The following TMEM178B variants were observed in gnomAD, a reference collection of about 807,000 sequenced individuals.
The protein encoded by TMEM178B is transmembrane protein 178B.
TMEM178B carries 5 observed loss-of-function variants against 31.0 expected under a neutral mutation model. That is an observed-to-expected ratio of 0.16 (90% CI 0.08 to 0.34). The LOEUF (loss-of-function observed/expected upper bound fraction) is 0.34, where lower values mean the gene tolerates loss of function less well. TMEM178B is among the 10% of genes least tolerant of loss of function. The pLI is 1.00. For missense variants in TMEM178B, 275 were observed against 400.3 expected, an observed-to-expected ratio of 0.69 and a Z score of 2.67; for synonymous variants, 164 against 164.0, an observed-to-expected ratio of 1.00 and a Z score of 0.00.
At chr7:141,356,173 T>C (rs1486415229) in intron 2 of TMEM178B, among the ~76,000 whole-genome samples, 7 of 152,180 alleles carry the variant, frequency 4.6e-5, no homozygotes, top group African/African-American at 1.4e-4. Flanking sequence ...AGTGCTGTGA[T>C]GAACATACAA....
chr7:141,285,227 T>C (rs1194016832), intron 2 of TMEM178B, among the ~76,000 whole-genome samples: 1 of 141,678 alleles, frequency 7.1e-6, no homozygotes, highest in African/African-American at 2.6e-5. Flanking sequence ...CTCGGCTCAC[T>C]TCAAGCTCTG....
At chr7:141,089,057 C>A (rs142402877) in intron 1 of TMEM178B, among the ~76,000 whole-genome samples, 3 of 152,230 alleles carry the variant, frequency 2.0e-5, no homozygotes, top group African/African-American at 7.2e-5. Flanking sequence ...ATGCAAAACC[C>A]TGTGGATAAA....
In TMEM178B at chr7:141,074,343, C is replaced by T; in HGVS notation, c.33C>T (p.Gly11=). Reference sequence around the variant, plus strand: ...CCGGAAGGTTACTGCTCTACACTGGCCTCTCGCTAGCGCTCTGCGCCCTCG... The same window carrying T: ...CCGGAAGGTTACTGCTCTACACTGGTCTCTCGCTAGCGCTCTGCGCCCTCG... MAAGRLLLYT[G]LSLALCALGM... Residue 11 remains glycine, a synonymous_variant, in exon 1 of 4, where the codon GGC becomes GGT. Transcript: ENST00000565468. The surrounding 1 kb of genome is among the most constrained non-coding windows in gnomAD (Gnocchi z 5.1). 3.3e-6 allele frequency: 5 copies of T among 1,535,894 alleles called. No individual in the cohort carries two copies. The highest frequency in any genetic ancestry group is 4.4e-6 in the Non-Finnish European group (5 of 1,146,752).
intron 3 of TMEM178B, among the ~76,000 whole-genome samples, chr7:141,468,395 A>G (rs1336301780): frequency 6.6e-6 from 1 of 152,198 alleles, no homozygotes; most frequent in African/African-American, 2.4e-5. Context: ...GTGTGAAACA[A>G]GGGAAACCCA....
At chr7:141,350,003 G>A (rs555530163) in intron 2 of TMEM178B, among the ~76,000 whole-genome samples, 1 of 149,540 alleles carries the variant, frequency 6.7e-6, no homozygotes, top group African/African-American at 2.5e-5. Flanking sequence ...ATCCATGCAT[G>A]CATCCATCCA....
At chr7:141,094,698 G>C (rs1184243051) in intron 1 of TMEM178B, among the ~76,000 whole-genome samples, 1 of 152,202 alleles carries the variant, frequency 6.6e-6, no homozygotes, top group African/African-American at 2.4e-5. Flanking sequence ...GGATCCTTTA[G>C]CCAATGGTTT....
In TMEM178B at chr7:141,479,941, T is replaced by A. The variant is rs1802443778; in HGVS notation, c.*9155T>A. 1 of 152,254 alleles carries A rather than the reference T, an allele frequency of 6.6e-6. No individual in the cohort carries two copies. Among genetic ancestry groups the A allele is most frequent in the South Asian group, 2.1e-4 (1 of 4,832 alleles). The allele number at this position is 152,254 out of a possible 1,614,324, so 9.4% of individuals were successfully genotyped here. On this transcript the variant is annotated 3_prime_UTR_variant, in exon 4 of 4. Coordinates refer to ENST00000565468, the MANE Select transcript of TMEM178B (RefSeq NM_001195278.2). ...AAAATATTATGTTAATTTGTTCTGATATGATGTGAATAAATGTGTTGTTTA... is the reference window on the plus strand; with the variant it reads ...AAAATATTATGTTAATTTGTTCTGAAATGATGTGAATAAATGTGTTGTTTA...
At chr7:141,175,967 T>C (rs183649526) in intron 1 of TMEM178B, among the ~76,000 whole-genome samples, 111 of 152,326 alleles carry the variant, frequency 7.3e-4, no homozygotes, top group African/African-American at 2.5e-3. Flanking sequence ...CTTGCCTGAC[T>C]TCCCTGGCCA....
rs139100803 is a variant in TMEM178B, at chr7:141,382,911, G to A, written c.497-54697G>A. ...AGAAATCACAGCAACATTTACCAGT[G>A]TGAATCCACAGAAACTTCCTTGCCT... On this transcript the variant is annotated intron_variant, in intron 2 of 3. Transcript: ENST00000565468. 1.7e-3 allele frequency among the ~76,000 whole-genome samples: 254 copies of A among 152,276 alleles called. 1 individual carries two copies. The highest frequency in any genetic ancestry group is 7.3e-3 in the South Asian group (35 of 4,822).
intron 3 of TMEM178B, among the ~76,000 whole-genome samples, chr7:141,455,238 T>G (rs1030773536): frequency 6.6e-6 from 1 of 152,170 alleles, no homozygotes; most frequent in Admixed American, 6.5e-5. Flanking sequence ...AAATAATGTG[T>G]GAAGTTGTGT....
chr7:141,262,897 A>G (rs943522979), intron 2 of TMEM178B, among the ~76,000 whole-genome samples: 2 of 152,190 alleles, frequency 1.3e-5, no homozygotes, highest in Non-Finnish European at 2.9e-5. Context: ...GTTCAGACCC[A>G]ATATAGCATT....
intron 3 of TMEM178B, among the ~76,000 whole-genome samples, chr7:141,451,978 A>C (rs1164977636): frequency 6.6e-6 from 1 of 152,096 alleles, no homozygotes; most frequent in Non-Finnish European, 1.5e-5. Flanking sequence ...ACCTAGCTCC[A>C]TCTTTCGTGA....
At chr7:141,506,471 G>A in the TMEM178B span, among the ~76,000 whole-genome samples, 2 of 152,080 alleles carry the variant, frequency 1.3e-5, no homozygotes, top group Non-Finnish European at 1.5e-5. Flanking sequence ...GAAGCAAAAG[G>A]AGAAACCCCT....
intron 1 of TMEM178B, among the ~76,000 whole-genome samples, chr7:141,166,517 G>C (rs999479753): frequency 3.9e-5 from 6 of 152,204 alleles, no homozygotes; most frequent in African/African-American, 1.4e-4. Context: ...TGCCATAAGA[G>C]ATGGGGTGGG....
the TMEM178B span, among the ~76,000 whole-genome samples, chr7:141,487,665 C>T: frequency 2.8e-5 from 4 of 140,736 alleles, no homozygotes; most frequent in African/African-American, 1.0e-4. Flanking sequence ...CACTTGAACC[C>T]GGGAGGCAGA....
At position 141,343,525 on chromosome 7, in the gene TMEM178B, CT is replaced by C. The variant is rs11442055; in HGVS notation, c.497-94059del. Among the ~76,000 whole-genome samples, 647 of 87,010 alleles carry C rather than the reference CT, an allele frequency of 7.4e-3. 6 individuals carry two copies. The highest frequency in any genetic ancestry group is 0.026 in the African/African-American group (539 of 20,622). 57.1% of individuals were successfully genotyped at this position (87,010 alleles called of 152,430 possible). On this transcript the variant is annotated intron_variant, in intron 2 of 3. Transcript: ENST00000565468. ...ATAGCCACAGCTGTGATGGGAGCAC[CT>C]TTTTTTTTTTTTTTTTTTTTTTTGT...
At chr7:141,335,838 T>C (rs964517829) in intron 2 of TMEM178B, among the ~76,000 whole-genome samples, 3 of 152,116 alleles carry the variant, frequency 2.0e-5, no homozygotes, top group African/African-American at 7.2e-5. Flanking sequence ...TCTGAGGCCA[T>C]GTTCTTTTTT....
intron 2 of TMEM178B, among the ~76,000 whole-genome samples, chr7:141,360,593 C>T (rs1158156044): frequency 6.6e-6 from 1 of 152,234 alleles, no homozygotes; most frequent in African/African-American, 2.4e-5. Context: ...AAGAGAAACA[C>T]AGAATGCTGA....
At chr7:141,368,342 C>G (rs943707046) in intron 2 of TMEM178B, among the ~76,000 whole-genome samples, 1 of 152,120 alleles carries the variant, frequency 6.6e-6, no homozygotes, top group Non-Finnish European at 1.5e-5. Flanking sequence ...GATCTGAAAC[C>G]CTGCTAGTCA....
Sources: allele counts gnomAD v4.1 joint callset (sites outside exome capture counted in the v4.1 genomes callset), GRCh38; gene constraint gnomAD v4.1.1; non-coding constraint Gnocchi (gnomAD v3.1); transcripts MANE v1.5; gene names NCBI Gene and HGNC (gene_info 2026-07-23, HGNC 2026-07-21).